The following PTPRD variants were observed in gnomAD, a reference collection of about 807,000 sequenced individuals.
PTPRD encodes protein tyrosine phosphatase receptor type D.
PTPRD carries 34 observed loss-of-function variants against 214.5 expected under a neutral mutation model. The ratio of observed to expected loss-of-function variants is 0.16; its 90% confidence interval spans 0.12 to 0.21. PTPRD has a LOEUF of 0.21. Ranked by LOEUF, PTPRD falls within the 10% of genes least tolerant of loss-of-function variation. The pLI is 1.00. For synonymous variants in PTPRD, 1,128 were observed against 845.7 expected (o/e 1.33, Z -5.79); for missense variants, 2,545 against 2,398.7 (o/e 1.06, Z -1.27).
chr9:10,453,138 A>G (rs540843319), intron 2 of PTPRD, among the ~76,000 whole-genome samples: 1 of 151,354 alleles, frequency 6.6e-6, no homozygotes, highest in Non-Finnish European at 1.5e-5. Flanking sequence ...TATATAGATG[A>G]TTTTATTTCT....
chr9:10,148,300 G>A (rs2099037690), intron 3 of PTPRD, among the ~76,000 whole-genome samples: 2 of 152,078 alleles, frequency 1.3e-5, no homozygotes, highest in African/African-American at 4.8e-5. Flanking sequence ...GAAATAAATT[G>A]ACCTATTAAT....
chr9:10,307,446 T>C (rs928317306), intron 3 of PTPRD, among the ~76,000 whole-genome samples: 1 of 152,124 alleles, frequency 6.6e-6, no homozygotes, highest in Non-Finnish European at 1.5e-5. Context: ...TCATGTTTTC[T>C]TTATCCATTC....
intron 12 of PTPRD, among the ~76,000 whole-genome samples, chr9:8,657,107 T>C (rs1416734649): frequency 6.6e-6 from 1 of 152,170 alleles, no homozygotes; most frequent in Non-Finnish European, 1.5e-5. Context: ...CTTTCATATG[T>C]TTGTTGGTCA....
At chr9:10,169,796 C>A (rs977872942) in intron 3 of PTPRD, among the ~76,000 whole-genome samples, 2 of 152,042 alleles carry the variant, frequency 1.3e-5, no homozygotes, top group Non-Finnish European at 1.5e-5. Context: ...ATCTATAATT[C>A]CCAGTTTTCA....
At chr9:8,581,655 G>A (rs1274900161) in intron 14 of PTPRD, among the ~76,000 whole-genome samples, 1 of 152,094 alleles carries the variant, frequency 6.6e-6, no homozygotes, top group African/African-American at 2.4e-5. Context: ...GGCTGAGGCA[G>A]GAGAATGGCG....
intron 8 of PTPRD, among the ~76,000 whole-genome samples, chr9:9,422,633 A>G (rs1270469381): frequency 1.3e-5 from 2 of 152,150 alleles, no homozygotes; most frequent in Non-Finnish European, 2.9e-5. Context: ...GTGATGTCAG[A>G]TAGACGCTGC....
At chr9:9,257,530 G>A (rs929263212) in intron 9 of PTPRD, among the ~76,000 whole-genome samples, 1 of 151,984 alleles carries the variant, frequency 6.6e-6, no homozygotes. Context: ...GGGGGCTCAT[G>A]TCTATGATTC....
intron 9 of PTPRD, among the ~76,000 whole-genome samples, chr9:9,332,634 T>C (rs1331291986): frequency 6.6e-6 from 1 of 151,442 alleles, no homozygotes; most frequent in East Asian, 1.9e-4. Context: ...GATTACGTTG[T>C]TCAACATTTT....
intron 7 of PTPRD, among the ~76,000 whole-genome samples, chr9:9,667,392 A>G (rs2154384103): frequency 6.6e-6 from 1 of 152,210 alleles, no homozygotes; most frequent in African/African-American, 2.4e-5. Flanking sequence ...GAATAGGCCT[A>G]TGCGTATTGT....
chr9:9,142,334 C>A (rs1050024221), intron 10 of PTPRD, among the ~76,000 whole-genome samples: 5 of 152,158 alleles, frequency 3.3e-5, no homozygotes, highest in Non-Finnish European at 1.5e-5. Context: ...GGTCAATGAG[C>A]AGTGAGTTAT....
At chr9:9,818,030 T>C (rs769068646) in intron 5 of PTPRD, among the ~76,000 whole-genome samples, 20 of 152,190 alleles carry the variant, frequency 1.3e-4, no homozygotes, top group Non-Finnish European at 2.5e-4. Flanking sequence ...GAAGTTAATA[T>C]GTTGTATGTA....
At chr9:10,512,166 T>C (rs2048515505) in intron 2 of PTPRD, among the ~76,000 whole-genome samples, 2 of 96,042 alleles carry the variant, frequency 2.1e-5, no homozygotes, top group Admixed American at 2.6e-4. Context: ...GATAGGCTGT[T>C]AGATGTAGTT....
intron 33 of PTPRD, among the ~76,000 whole-genome samples, chr9:8,459,673 A>G (rs1349127319): frequency 1.3e-5 from 2 of 152,130 alleles, no homozygotes; most frequent in Non-Finnish European, 2.9e-5. Flanking sequence ...AGAGTGGCAT[A>G]TCAGAAAAAT....
chr9:9,505,230 A>T (rs943668585), intron 8 of PTPRD, among the ~76,000 whole-genome samples: 13 of 151,592 alleles, frequency 8.6e-5, no homozygotes, highest in Non-Finnish European at 8.9e-5. Context: ...TTCATTTAGG[A>T]CTAGAGCAGC....
intron 14 of PTPRD, among the ~76,000 whole-genome samples, chr9:8,540,473 G>C (rs1317149266): frequency 1.3e-5 from 2 of 152,058 alleles, no homozygotes; most frequent in Non-Finnish European, 2.9e-5. Context: ...TAACTCAAGA[G>C]CAAGGTGCAA....
At chr9:10,261,108 C>T (rs914827430) in intron 3 of PTPRD, among the ~76,000 whole-genome samples, 1 of 148,222 alleles carries the variant, frequency 6.7e-6, no homozygotes, top group African/African-American at 2.5e-5. Context: ...GAGAGAGAGT[C>T]ACTTTTCTGA....
Position 10,487,966 on chromosome 9 carries a change from G to GTCTCTCTCTCTCTCTCTCTCTC in PTPRD, c.-600+124410_-600+124431dup, listed in dbSNP as rs56372955. The stretch of plus-strand genomic sequence containing the variant: ...CCTTAATTTCTCCCAAATGAACACA[G>GTCTCTCTCTCTCTCTCTCTCTC]TCTCTCTCTCTCTCTCTCTCTCTCT... On this transcript the variant is annotated intron_variant, in intron 2 of 45. Coordinates refer to ENST00000381196, the MANE Select transcript of PTPRD (RefSeq NM_002839.4). 1.8e-3 allele frequency among the ~76,000 whole-genome samples: 197 copies of GTCTCTCTCTCTCTCTCTCTCTC among 110,300 alleles called. 19 individuals are homozygous for GTCTCTCTCTCTCTCTCTCTCTC. The highest frequency in any genetic ancestry group is 7.1e-3 in the African/African-American group (185 of 25,924). The allele number at this position is 110,300 out of a possible 152,430, so 72.4% of individuals were successfully genotyped here. A position where few individuals can be genotyped will look rare whatever the true frequency, so the allele number is the denominator to read the frequency against.
At chr9:9,962,593 G>A (rs924558032) in intron 4 of PTPRD, among the ~76,000 whole-genome samples, 1 of 151,838 alleles carries the variant, frequency 6.6e-6, no homozygotes, top group Non-Finnish European at 1.5e-5. Context: ...TTCTACAACT[G>A]CCAACATTAT....
At chr9:9,492,409 G>T (rs951178485) in intron 8 of PTPRD, among the ~76,000 whole-genome samples, 2 of 150,526 alleles carry the variant, frequency 1.3e-5, no homozygotes, top group African/African-American at 4.9e-5. Context: ...TTCATTCAAT[G>T]AAGCCAGCAC....
Sources: gnomAD v4.1 joint callset for allele counts (sites outside exome capture counted in the v4.1 genomes callset) on GRCh38, gnomAD v4.1.1 for gene constraint, MANE v1.5 for transcripts, NCBI Gene and HGNC (gene_info 2026-07-23, HGNC 2026-07-21) for gene names.